Variants in ARNT2 observed in about 807,000 individuals in gnomAD.
The protein encoded by ARNT2 is aryl hydrocarbon receptor nuclear translocator 2, also known as ARNT protein 2.
In ARNT2, 36 loss-of-function variants were observed where a neutral mutation model predicts 91.7. The observed-to-expected ratio is 0.39, with a 90% CI of 0.30 to 0.52. The LOEUF is 0.52. Among genes scored for constraint, ARNT2 ranks in the 20% least tolerant of loss-of-function variants. The probability of loss-of-function intolerance (pLI) is 0.72; values close to 1 mark genes in which losing one functional copy is unlikely to be tolerated. For synonymous variants in ARNT2, 365 were observed against 347.1 expected (o/e 1.05, Z -0.57); for missense variants, 775 against 939.3 (o/e 0.83, Z 2.29).
chr15:80,477,043 C>G (rs1462318444), intron 5 of ARNT2, among the ~76,000 whole-genome samples: 1 of 152,196 alleles, frequency 6.6e-6, no homozygotes, highest in Non-Finnish European at 1.5e-5. Flanking sequence ...CCCACTCTCT[C>G]TCTTAAGAGT....
intron 2 of ARNT2, among the ~76,000 whole-genome samples, chr15:80,452,887 T>C (rs1452724694): frequency 6.6e-6 from 1 of 152,172 alleles, no homozygotes; most frequent in African/African-American, 2.4e-5. Context: ...CACACCCTGA[T>C]TTGTGGTTGC....
At chr15:80,486,596 C>T (rs576447906) in intron 5 of ARNT2, among the ~76,000 whole-genome samples, 20 of 152,158 alleles carry the variant, frequency 1.3e-4, no homozygotes, top group Non-Finnish European at 2.5e-4. Flanking sequence ...CCTGACTTGT[C>T]GTGTTGAGTC....
chr15:80,514,214 A>G, intron 7 of ARNT2, 106 bp from the exon 8 acceptor site: 1 of 1,232,324 alleles, frequency 8.1e-7, no homozygotes, highest in Admixed American at 1.8e-5. Context: ...ATTCAAAACC[A>G]CAAAGGCAGA....
chr15:80,418,324 C>G (rs1235584479), intron 1 of ARNT2, among the ~76,000 whole-genome samples: 1 of 152,156 alleles, frequency 6.6e-6, no homozygotes, highest in Non-Finnish European at 1.5e-5. Flanking sequence ...CTCTGCTGTC[C>G]CTACCTTGCA....
intron 1 of ARNT2, among the ~76,000 whole-genome samples, chr15:80,410,958 T>C (rs2060629459): frequency 6.6e-6 from 1 of 152,188 alleles, no homozygotes; most frequent in African/African-American, 2.4e-5. Flanking sequence ...TTCTCAGTTT[T>C]AGCCAAGCTC....
intron 3 of ARNT2, among the ~76,000 whole-genome samples, chr15:80,464,345 T>C (rs542192926): frequency 3.9e-5 from 6 of 152,170 alleles, no homozygotes; most frequent in South Asian, 2.1e-4. Context: ...CAAGGATCGA[T>C]TGCAGTCAGT....
intron 1 of ARNT2, among the ~76,000 whole-genome samples, chr15:80,414,396 A>G (rs1297462686): frequency 6.6e-6 from 1 of 152,198 alleles, no homozygotes; most frequent in Non-Finnish European, 1.5e-5. Context: ...AAAACTCTGT[A>G]GGCCTCTGGA....
rs1030799358 is a variant in ARNT2 at position 80,576,520 on chromosome 15, G to A, written c.1514-346G>A. Reference sequence around the variant, plus strand: ...TTGAACTCCTGACCTCAAGTGATCCGCCTGCCTCAGCCTCCCAAAATGCTG... The same window carrying A: ...TTGAACTCCTGACCTCAAGTGATCCACCTGCCTCAGCCTCCCAAAATGCTG... On this transcript the variant is annotated intron_variant, in intron 14 of 18. Transcript: ENST00000303329. Among the ~76,000 whole-genome samples the A allele has an allele frequency of 4.6e-5, 7 of 152,108 alleles. 1 individual carries two copies. Among genetic ancestry groups the A allele is most frequent in the Non-Finnish European group, 4.4e-5 (3 of 67,964 alleles).
At chr15:80,532,088 A>G (rs541638492) in intron 8 of ARNT2, among the ~76,000 whole-genome samples, 35 of 152,346 alleles carry the variant, frequency 2.3e-4, no homozygotes, top group African/African-American at 8.4e-4. Context: ...TAAATGCTTA[A>G]TGTGTATTTT....
chr15:80,533,185 G>A (rs931103760), intron 8 of ARNT2, among the ~76,000 whole-genome samples: 4 of 152,216 alleles, frequency 2.6e-5, no homozygotes, highest in African/African-American at 9.7e-5. Context: ...AGCCAAGGGC[G>A]AGGATGGAAT....
intron 8 of ARNT2, among the ~76,000 whole-genome samples, chr15:80,543,425 T>G (rs1227362422): frequency 1.3e-5 from 2 of 152,222 alleles, no homozygotes; most frequent in Non-Finnish European, 2.9e-5. Context: ...CTGTATGAGC[T>G]CATTCTCATT....
At chr15:80,460,179 C>G (rs1896532706) in intron 3 of ARNT2, among the ~76,000 whole-genome samples, 1 of 152,222 alleles carries the variant, frequency 6.6e-6, no homozygotes, top group Non-Finnish European at 1.5e-5. Context: ...AGGCAGGGTG[C>G]TGTGCCATGG....
At chr15:80,568,281 TG>T (rs1270590955) in intron 12 of ARNT2, among the ~76,000 whole-genome samples, 2 of 152,214 alleles carry the variant, frequency 1.3e-5, no homozygotes, top group African/African-American at 2.4e-5. Flanking sequence ...CGTTTTTACA[TG>T]GGCACGACCT....
At chr15:80,512,244 C>T (rs1349344081) in intron 6 of ARNT2, among the ~76,000 whole-genome samples, 1 of 152,168 alleles carries the variant, frequency 6.6e-6, no homozygotes, top group Non-Finnish European at 1.5e-5. Flanking sequence ...CTTCTCTCAC[C>T]CACTCCTTGG....
chr15:80,572,884 A>T (rs188012989), intron 12 of ARNT2, among the ~76,000 whole-genome samples: 1 of 152,324 alleles, frequency 6.6e-6, no homozygotes, highest in Admixed American at 6.5e-5. Context: ...GACGATCTTC[A>T]CAGTGGTTGC....
At chr15:80,427,907 T>C (rs1163596272) in intron 1 of ARNT2, among the ~76,000 whole-genome samples, 1 of 152,244 alleles carries the variant, frequency 6.6e-6, no homozygotes, top group African/African-American at 2.4e-5. Flanking sequence ...ACCATCTACA[T>C]CTGGCCTTGT....
intron 8 of ARNT2, among the ~76,000 whole-genome samples, chr15:80,547,526 GT>G (rs1566998187): frequency 6.6e-6 from 1 of 152,098 alleles, no homozygotes; most frequent in East Asian, 1.9e-4. Context: ...TGAACTAGGT[GT>G]TTTTTCCATG....
intron 5 of ARNT2, among the ~76,000 whole-genome samples, chr15:80,507,463 G>A (rs776698948): frequency 3.3e-5 from 5 of 152,156 alleles, no homozygotes; most frequent in African/African-American, 1.2e-4. Context: ...GGAGGGTTTG[G>A]GGAAGAGTGG....
chr15:80,552,992 C>G (rs1285786750), intron 10 of ARNT2, among the ~76,000 whole-genome samples: 1 of 152,192 alleles, frequency 6.6e-6, no homozygotes, highest in Non-Finnish European at 1.5e-5. Flanking sequence ...TCTTTGCCCT[C>G]ACTGTTATGT....
Sources: allele counts gnomAD v4.1 joint callset (sites outside exome capture counted in the v4.1 genomes callset), GRCh38; gene constraint gnomAD v4.1.1; transcripts MANE v1.5; gene names NCBI Gene and HGNC (gene_info 2026-07-23, HGNC 2026-07-21).